The following TFEC variants were observed in gnomAD, a reference collection of about 807,000 sequenced individuals.
The protein encoded by TFEC is class E basic helix-loop-helix protein 34.
TFEC carries 31 observed loss-of-function variants against 41.6 expected under a neutral mutation model. That is an observed-to-expected ratio of 0.74 (90% CI 0.56 to 1.01). The LOEUF (loss-of-function observed/expected upper bound fraction) is 1.01. Ranked by LOEUF, TFEC falls within the 50% of genes least tolerant of loss-of-function variation. TFEC has a pLI of 0.00. For synonymous variants in TFEC, 143 were observed against 140.6 expected (o/e 1.02, Z -0.12); for missense variants, 402 against 404.1 (o/e 0.99, Z 0.04).
chr7:116,002,068 C>G (rs1034408914), intron 1 of TFEC, among the ~76,000 whole-genome samples: 1 of 152,180 alleles, frequency 6.6e-6, no homozygotes, highest in South Asian at 2.1e-4. Flanking sequence ...CCCTTGTACC[C>G]TCTTCGTGGG....
intron 1 of TFEC, among the ~76,000 whole-genome samples, chr7:115,995,732 C>A (rs552407442): frequency 1.3e-5 from 2 of 152,310 alleles, no homozygotes; most frequent in South Asian, 2.1e-4. Context: ...CTTCCCTCCC[C>A]CAACCCTGAC....
intron 1 of TFEC, among the ~76,000 whole-genome samples, chr7:116,114,381 C>T (rs540361858): frequency 6.7e-6 from 1 of 148,464 alleles, no homozygotes; most frequent in Non-Finnish European, 1.5e-5. Context: ...TGTGAGACCT[C>T]TAAAACAAAA....
At chr7:116,121,320 T>C (rs1405786966) in intron 1 of TFEC, 2 of 151,994 alleles carry the variant, frequency 1.3e-5, no homozygotes, top group Admixed American at 6.6e-5. Flanking sequence ...TTGCCACATA[T>C]TGCAAAAGCC....
intron 1 of TFEC, among the ~76,000 whole-genome samples, chr7:116,015,256 G>C (rs1795144494): frequency 6.6e-6 from 1 of 152,004 alleles, no homozygotes. Flanking sequence ...GAAGTAACTT[G>C]AGGAAAATTC....
Position 115,937,702 on chromosome 7 carries a change from T to C in TFEC, c.*2849A>G, listed in dbSNP as rs1339919101. The stretch of plus-strand genomic sequence containing the variant: ...CTATGCAACCTCATCATTATTAGGA[T>C]TGGGATAATTATATTTAGATAAGTA... On this transcript the variant is annotated 3_prime_UTR_variant, in exon 8 of 8. Coordinates refer to ENST00000265440, the MANE Select transcript of TFEC (RefSeq NM_012252.4). 2 of 151,836 alleles carry C rather than the reference T, an allele frequency of 1.3e-5. No homozygotes were observed. The highest frequency in any genetic ancestry group is 2.1e-4 in the South Asian group (1 of 4,824). 9.4% of individuals were successfully genotyped at this position (151,836 alleles called of 1,614,324 possible).
chr7:116,001,004 A>C (rs1584673571), intron 1 of TFEC, among the ~76,000 whole-genome samples: 1 of 152,306 alleles, frequency 6.6e-6, no homozygotes, highest in Middle Eastern at 3.4e-3. Context: ...GGATATCCAA[A>C]GCTATCCAGA....
rs1798425164 is a variant in TFEC, at chr7:116,135,975, C to A, written c.-69+23815G>T. ...TAGGGTTCTCTGCAAAGACTAGTTCCTCACAGTGAATATTAGAAGACTCTT... is the reference window on the plus strand; with the variant it reads ...TAGGGTTCTCTGCAAAGACTAGTTCATCACAGTGAATATTAGAAGACTCTT... On this transcript the variant is annotated intron_variant, in intron 1 of 8. Coordinates refer to the TFEC transcript ENST00000484212. Among the ~76,000 whole-genome samples, 2 of 152,000 alleles carry A rather than the reference C, an allele frequency of 1.3e-5. 1 individual carries two copies. Among genetic ancestry groups the A allele is most frequent in the African/African-American group, 4.8e-5 (2 of 41,402 alleles).
chr7:116,058,244 C>A (rs987031328), intron 3 of TFEC, among the ~76,000 whole-genome samples: 6 of 151,432 alleles, frequency 4.0e-5, no homozygotes, highest in African/African-American at 1.5e-4. Context: ...TATATTCGTA[C>A]CAATTAAAGT....
chr7:116,064,861 TA>T (rs1216159316), intron 3 of TFEC, among the ~76,000 whole-genome samples: 1 of 152,076 alleles, frequency 6.6e-6, no homozygotes, highest in Admixed American at 6.6e-5. Context: ...CCCCTGAAAA[TA>T]AGATGAGAAC....
chr7:115,991,362 T>C (rs967528094), intron 1 of TFEC, among the ~76,000 whole-genome samples: 1 of 152,152 alleles, frequency 6.6e-6, no homozygotes, highest in Non-Finnish European at 1.5e-5. Flanking sequence ...CAGGATCAAA[T>C]TCACACATAA....
chr7:116,007,753 T>C (rs1199484818), intron 1 of TFEC, among the ~76,000 whole-genome samples: 1 of 152,224 alleles, frequency 6.6e-6, no homozygotes, highest in Non-Finnish European at 1.5e-5. Flanking sequence ...CATGATTCTC[T>C]ATTGTATAAG....
At chr7:116,110,994 A>G in intron 2 of TFEC, 1 of 769,368 alleles carries the variant, frequency 1.3e-6, no homozygotes, top group Admixed American at 3.9e-5. Flanking sequence ...ATCACCTGAG[A>G]CTACATACTA....
intron 1 of TFEC, among the ~76,000 whole-genome samples, chr7:116,121,694 C>T (rs1224429780): frequency 6.6e-6 from 1 of 152,016 alleles, no homozygotes; most frequent in East Asian, 1.9e-4. Context: ...TTTCAGAGGT[C>T]AGGGTGCCAA....
chr7:116,025,026 A>T (rs1283521169), intron 1 of TFEC, among the ~76,000 whole-genome samples: 1 of 152,160 alleles, frequency 6.6e-6, no homozygotes, highest in Non-Finnish European at 1.5e-5. Context: ...CCTGAATCCA[A>T]GTGAATTTAG....
At chr7:115,965,371 A>C (rs1157227015) in intron 3 of TFEC, among the ~76,000 whole-genome samples, 1 of 151,722 alleles carries the variant, frequency 6.6e-6, no homozygotes, top group African/African-American at 2.4e-5. Flanking sequence ...GAATGATTCT[A>C]TACAAAATTG....
chr7:115,999,534 A>G (rs184131053), intron 1 of TFEC, among the ~76,000 whole-genome samples: 1 of 152,144 alleles, frequency 6.6e-6, no homozygotes, highest in East Asian at 1.9e-4. Flanking sequence ...AACAAAATGA[A>G]AAGTTGCTTT....
intron 3 of TFEC, among the ~76,000 whole-genome samples, chr7:115,957,660 A>G (rs1792307423): frequency 6.6e-6 from 1 of 151,914 alleles, no homozygotes; most frequent in African/African-American, 2.4e-5. Context: ...AGATATTTCC[A>G]TTGTGAGTAT....
At chr7:116,122,002 G>C (rs925071595) in intron 1 of TFEC, among the ~76,000 whole-genome samples, 1 of 152,052 alleles carries the variant, frequency 6.6e-6, no homozygotes, top group Admixed American at 6.6e-5. Flanking sequence ...ATGTATAGCT[G>C]TAGCTAGGTG....
chr7:116,080,981 G>GTA (rs1286837442), intron 3 of TFEC, among the ~76,000 whole-genome samples: 14,056 of 121,530 alleles, frequency 0.12, 676 homozygotes, highest in African/African-American at 0.16. Flanking sequence ...AATGTAGTGT[G>GTA]TGTGTGTGTG....
Sources: gnomAD v4.1 joint callset for allele counts (sites outside exome capture counted in the v4.1 genomes callset) on GRCh38, gnomAD v4.1.1 for gene constraint, MANE v1.5 for transcripts, NCBI Gene and HGNC (gene_info 2026-07-23, HGNC 2026-07-21) for gene names.